Variants in PIH1D2 observed in about 807,000 individuals in gnomAD.
PIH1D2 encodes PIH1 domain-containing protein 2.
In PIH1D2, 25 loss-of-function variants were observed where a neutral mutation model predicts 31.2. The ratio of observed to expected loss-of-function variants is 0.80; its 90% CI spans 0.58 to 1.12. The LOEUF (loss-of-function observed/expected upper bound fraction) is 1.12. PIH1D2 is among the 50% of genes most tolerant of loss of function. PIH1D2 has a pLI of 0.00. For synonymous variants in PIH1D2, 116 were observed against 119.9 expected, an observed-to-expected ratio of 0.97 and a Z score of 0.21; for missense variants, 310 against 356.6, an observed-to-expected ratio of 0.87 and a Z score of 1.05.
chr11:112,065,784 C>A (rs1555183775), downstream of PIH1D2, among the ~76,000 whole-genome samples: 1 of 152,154 alleles, frequency 6.6e-6, no homozygotes, highest in Non-Finnish European at 1.5e-5. Context: ...AGTTTAAGAC[C>A]AGCCTGGCCA....
At chr11:112,059,411 G>A (rs1864391017), downstream of PIH1D2, among the ~76,000 whole-genome samples, 1 of 151,362 alleles carries the variant, frequency 6.6e-6, no homozygotes. Context: ...GCAGCGTTGG[G>A]GGATGGAGTC....
downstream of PIH1D2, chr11:112,062,868 A>T (rs1376821821): frequency 1.3e-5 from 4 of 298,994 alleles, no homozygotes; most frequent in African/African-American, 8.7e-5. Context: ...AGACAAGTAC[A>T]TAAAGGTGAC....
Position 112,071,242 on chromosome 11 carries a change from G to A in PIH1D2, c.343C>T (p.Leu115Phe). The A allele has an allele frequency of 1.2e-6, 2 of 1,613,642 alleles. No individual in the cohort carries two copies. The highest frequency in any genetic ancestry group is 2.2e-5 in the South Asian group (2 of 91,024). Residue 115 changes from leucine (L) to phenylalanine (F), a missense_variant, in exon 4 of 6, where the codon CTT becomes TTT. Physicochemically the swap from Leu to Phe is conservative, Grantham distance 22. Coordinates refer to ENST00000280350, the MANE Select transcript of PIH1D2 (RefSeq NM_138789.4). ...ACTTGGTCCTTTTCTGCTGCATGAA[G>A]AACATCAGGATTGTAGGCAACATCA... is the stretch of plus-strand genomic sequence containing the variant. ...VIDVAYNPDV[L>F]HAAEKDQVKK... is the part of the protein sequence containing the mutation.
At chr11:112,060,657 G>T (rs879950411), downstream of PIH1D2, among the ~76,000 whole-genome samples, 4 of 151,700 alleles carry the variant, frequency 2.6e-5, no homozygotes, top group Non-Finnish European at 5.9e-5. Flanking sequence ...GTAGTGTCGG[G>T]GTTTCACCAT....
intron 5 of PIH1D2, among the ~76,000 whole-genome samples, chr11:112,068,585 A>G (rs181474982): frequency 2.6e-5 from 4 of 152,198 alleles, no homozygotes; most frequent in African/African-American, 9.6e-5. Context: ...GGAGTTCGAG[A>G]CCAACATGGG....
Position 112,070,604 on chromosome 11 carries a change from C to T in PIH1D2, c.645G>A (p.Val215=). 1 of 1,614,148 alleles carries T rather than the reference C, an allele frequency of 6.2e-7. No homozygotes were observed. Among genetic ancestry groups the T allele is most frequent in the East Asian group, 2.2e-5 (1 of 44,876 alleles). ...TACTGGAAATCTCTTCTATCAGACA[C>T]ACTGCTTTGCCTGAAACTTGGTCTT... ...LPKDQVSGKA[V]CLIEEISSTE... Residue 215 remains valine, a synonymous_variant, in exon 5 of 6, where the codon GTG becomes GTA. Transcript: ENST00000280350.
At chr11:112,070,319 G>A (rs1256688423) in intron 5 of PIH1D2, 117 bp downstream of exon 5, 8 of 1,254,182 alleles carry the variant, frequency 6.4e-6, no homozygotes, top group Admixed American at 2.2e-5. Flanking sequence ...CTCCTTCACC[G>A]GGTAACCTGA....
At chr11:112,072,900 CAA>C (rs1266784839) in intron 2 of PIH1D2, 96 bp downstream of exon 2, 2 of 1,019,570 alleles carry the variant, frequency 2.0e-6, no homozygotes, top group Non-Finnish European at 2.6e-6. Context: ...AAAAAAAAAA[CAA>C]AAAAAATTAG....
Position 112,072,987 on chromosome 11 carries a change from A to G in PIH1D2, c.177+11T>C, listed in dbSNP as rs1555184998. On this transcript the variant is annotated intron_variant, in intron 2 of 5. Coordinates refer to ENST00000280350, the MANE Select transcript of PIH1D2 (RefSeq NM_138789.4). The stretch of plus-strand genomic sequence containing the variant: ...CAAGACCTCCCCATCCCTGGCACCA[A>G]CTCGACATACCAGAATCCTGGTCTG... 1.9e-6 allele frequency: 3 copies of G among 1,589,044 alleles called. No individual in the cohort carries two copies. The highest frequency in any genetic ancestry group is 1.3e-5 in the African/African-American group (1 of 74,400).
chr11:112,061,570 G>C (rs1864628182), downstream of PIH1D2: 1 of 196,404 alleles, frequency 5.1e-6, no homozygotes, highest in Non-Finnish European at 1.0e-5. Flanking sequence ...TTGAGTATCA[G>C]TGTTTTTTTT....
At chr11:112,060,812 T>C (rs1864558702), downstream of PIH1D2, among the ~76,000 whole-genome samples, 1 of 152,140 alleles carries the variant, frequency 6.6e-6, no homozygotes, top group South Asian at 2.1e-4. Context: ...TAAAGTAAAA[T>C]TCAATCATAT....
At chr11:112,067,576 C>T (rs1864961674), downstream of PIH1D2, among the ~76,000 whole-genome samples, 3 of 144,746 alleles carry the variant, frequency 2.1e-5, no homozygotes, top group Non-Finnish European at 3.0e-5. Flanking sequence ...GAGGCAGAAT[C>T]GCTTGAGCCC....
chr11:112,058,616 AG>A (rs587768977), downstream of PIH1D2, among the ~76,000 whole-genome samples: 3 of 59,014 alleles, frequency 5.1e-5, no homozygotes, highest in African/African-American at 7.0e-5. Flanking sequence ...GGGTGGGGGA[AG>A]GGGGGGGTGG....
the PIH1D2 span, among the ~76,000 whole-genome samples, chr11:112,054,265 G>A: frequency 1.3e-5 from 2 of 152,112 alleles, no homozygotes; most frequent in Non-Finnish European, 2.9e-5. Context: ...GCAGTGAGCT[G>A]GGATTGCACG....
chr11:112,070,541 T>G lies in PIH1D2; in HGVS notation c.708A>C (p.Glu236Asp). 3 of 1,614,178 alleles carry G rather than the reference T, an allele frequency of 1.9e-6. No individual in the cohort carries two copies. Among genetic ancestry groups the G allele is most frequent in the Non-Finnish European group, 1.7e-6 (2 of 1,180,028 alleles). Residue 236 changes from glutamate to aspartate, a missense_variant, in exon 5 of 6, where the codon GAA (glutamate) becomes GAC (aspartate). Glu to Asp is a conservative substitution (Grantham distance 45). Coordinates refer to ENST00000280350, the MANE Select transcript of PIH1D2 (RefSeq NM_138789.4). ...IQVEMKMPAY[E>D]LKIVHDHSEK... ...CACTGTGATCATGCACAATTTTTAG[T>G]TCATAGGCTGGCATCTTCATCTCCA...
chr11:112,065,414 C>T (rs1555183732), downstream of PIH1D2, among the ~76,000 whole-genome samples: 1 of 152,066 alleles, frequency 6.6e-6, no homozygotes, highest in Admixed American at 6.6e-5. Context: ...GTGCTGAGTG[C>T]AAGGGTAGAG....
the PIH1D2 span, among the ~76,000 whole-genome samples, chr11:112,054,680 T>G: frequency 6.6e-6 from 1 of 152,218 alleles, no homozygotes; most frequent in African/African-American, 2.4e-5. Context: ...AACTGTATAG[T>G]TTTCCAGGGC....
At chr11:112,060,309 T>C (rs2039238754), downstream of PIH1D2, among the ~76,000 whole-genome samples, 1 of 151,628 alleles carries the variant, frequency 6.6e-6, no homozygotes, top group Non-Finnish European at 1.5e-5. Context: ...TACAGGCACC[T>C]GCCACCACGC....
Position 112,071,059 on chromosome 11 carries a change from A to G in PIH1D2, c.526T>C (p.Leu176=), listed in dbSNP as rs782690665. ...LMGIQTDSID[L]REKMRRELTL... ...TTACCCCTTCTCATTTTTTCTCTTA[A>G]ATCTATGGAATCAGTTTGGATTCCC... Residue 176 remains leucine (L), a synonymous_variant, in exon 4 of 6, where the codon TTA becomes CTA. Coordinates refer to ENST00000280350, the MANE Select transcript of PIH1D2 (RefSeq NM_138789.4). The G allele has an allele frequency of 1.4e-4, 230 of 1,612,472 alleles. 4 individuals carry two copies. The South Asian group carries it at 2.5e-3, about 18-fold the overall frequency.
Sources: allele counts gnomAD v4.1 joint callset (sites outside exome capture counted in the v4.1 genomes callset), GRCh38; gene constraint gnomAD v4.1.1; transcripts MANE v1.5; gene names NCBI Gene and HGNC (gene_info 2026-07-23, HGNC 2026-07-21).